Variants in SCFD2 observed in about 807,000 individuals in gnomAD.
SCFD2 encodes sec1 family domain containing 2.
A neutral mutation model predicts 58.9 loss-of-function variants in SCFD2; 54 were observed. That is an observed-to-expected ratio of 0.92 (90% CI 0.74 to 1.15). The LOEUF is 1.15. Ranked by LOEUF, SCFD2 falls within the 50% of genes most tolerant of loss-of-function variation. The probability of loss-of-function intolerance (pLI) is 0.00; values close to 1 mark genes in which losing one functional copy is unlikely to be tolerated. For synonymous variants in SCFD2, 321 were observed against 335.9 expected, an observed-to-expected ratio of 0.96 and a Z score of 0.49; for missense variants, 805 against 836.6, an observed-to-expected ratio of 0.96 and a Z score of 0.47.
Position 53,018,146 on chromosome 4 carries a change from T to G in SCFD2, c.1562-97276A>C, listed in dbSNP as rs373133773. 2.2e-4 allele frequency among the ~76,000 whole-genome samples: 33 copies of G among 152,296 alleles called. No individual in the cohort carries two copies. In the South Asian group the frequency reaches 6.6e-3, roughly 31 times the overall value. ...GAGCTTTGTTGGTTTTATTTACTGT[T>G]TCAACCCCAGGGCTCATGATAGGGC... is the stretch of plus-strand genomic sequence containing the variant. On this transcript the variant is annotated intron_variant, in intron 5 of 8. Coordinates refer to ENST00000401642, the MANE Select transcript of SCFD2 (RefSeq NM_152540.4).
At chr4:53,093,490 T>C (rs1334637439) in intron 5 of SCFD2, among the ~76,000 whole-genome samples, 1 of 152,166 alleles carries the variant, frequency 6.6e-6, no homozygotes, top group Non-Finnish European at 1.5e-5. Flanking sequence ...TCTAGGAATA[T>C]ATCCTACAGA....
chr4:53,051,043 T>C (rs928480248), intron 5 of SCFD2, among the ~76,000 whole-genome samples: 3 of 152,216 alleles, frequency 2.0e-5, no homozygotes, highest in African/African-American at 7.2e-5. Context: ...ACTGTGTGAT[T>C]GTTTTATTTC....
intron 2 of SCFD2, among the ~76,000 whole-genome samples, chr4:53,350,265 C>A (rs1201987894): frequency 1.3e-5 from 2 of 152,168 alleles, no homozygotes; most frequent in Non-Finnish European, 2.9e-5. Context: ...CAGCTCCCAA[C>A]CCACACTGGG....
At chr4:53,152,295 C>T (rs1259257986) in intron 4 of SCFD2, among the ~76,000 whole-genome samples, 5 of 151,650 alleles carry the variant, frequency 3.3e-5, no homozygotes, top group Admixed American at 1.3e-4. Context: ...CATCATTAAT[C>T]AACAGGAAAA....
intron 3 of SCFD2, among the ~76,000 whole-genome samples, chr4:53,284,497 T>G (rs1381282617): frequency 6.6e-6 from 1 of 152,198 alleles, no homozygotes; most frequent in Non-Finnish European, 1.5e-5. Context: ...TAGTATAACT[T>G]TTGAAATATT....
At chr4:53,297,238 T>G (rs28832663) in intron 3 of SCFD2, among the ~76,000 whole-genome samples, 2 of 151,862 alleles carry the variant, frequency 1.3e-5, no homozygotes, top group African/African-American at 4.8e-5. Flanking sequence ...GAAAGCAGCA[T>G]GTTAAAGTCT....
intron 4 of SCFD2, among the ~76,000 whole-genome samples, chr4:53,169,591 A>G (rs760039348): frequency 2.0e-5 from 3 of 152,080 alleles, no homozygotes; most frequent in Non-Finnish European, 2.9e-5. Context: ...ATAATATGGT[A>G]ATTCAAAATA....
chr4:53,337,014 A>G (rs1733705534), intron 2 of SCFD2, among the ~76,000 whole-genome samples: 1 of 137,092 alleles, frequency 7.3e-6, no homozygotes, highest in South Asian at 2.4e-4. Flanking sequence ...CACTCAAAAG[A>G]AGGACTAAAA....
intron 5 of SCFD2, among the ~76,000 whole-genome samples, chr4:53,133,271 T>G (rs1461388039): frequency 3.6e-5 from 5 of 138,330 alleles, no homozygotes; most frequent in South Asian, 2.2e-4. Flanking sequence ...GAGCTTGCAG[T>G]GAGCCCAGAT....
At chr4:53,162,844 TATAATA>T (rs956119302) in intron 4 of SCFD2, among the ~76,000 whole-genome samples, 1 of 150,840 alleles carries the variant, frequency 6.6e-6, no homozygotes, top group African/African-American at 2.4e-5. Context: ...AAACTTAAAG[TATAATA>T]ATAATAAAAT....
chr4:53,256,952 C>T (rs1207031749), intron 4 of SCFD2, among the ~76,000 whole-genome samples: 2 of 149,544 alleles, frequency 1.3e-5, no homozygotes, highest in African/African-American at 2.5e-5. Context: ...GAGAGCTAAA[C>T]CTTTTTTCTT....
At chr4:53,329,022 T>G (rs1426767916) in intron 2 of SCFD2, among the ~76,000 whole-genome samples, 2 of 152,184 alleles carry the variant, frequency 1.3e-5, no homozygotes, top group Admixed American at 6.5e-5. Flanking sequence ...CACCCGAATA[T>G]TGTGCTTTTC....
rs181333659 is a variant in SCFD2, at chr4:53,337,634, T to C, written c.1007+14964A>G. Among the ~76,000 whole-genome samples the C allele has an allele frequency of 4.6e-5, 7 of 152,272 alleles. No homozygotes were observed. In the East Asian group the frequency reaches 1.3e-3, roughly 29 times the overall value. On this transcript the variant is annotated intron_variant, in intron 2 of 8. Coordinates refer to ENST00000401642, the MANE Select transcript of SCFD2 (RefSeq NM_152540.4). The stretch of plus-strand genomic sequence containing the variant: ...CACCCCCAAAACACTTGTTTAAGAA[T>C]GTTCATACCAGTAAAAAACTGGACA...
chr4:53,340,382 T>C (rs1319607342), intron 2 of SCFD2, among the ~76,000 whole-genome samples: 1 of 152,040 alleles, frequency 6.6e-6, no homozygotes, highest in East Asian at 1.9e-4. Context: ...CAGTCTGAGA[T>C]CAAACTACAA....
intron 4 of SCFD2, among the ~76,000 whole-genome samples, chr4:53,188,999 T>A (rs1727816816): frequency 6.6e-6 from 1 of 152,200 alleles, no homozygotes; most frequent in Non-Finnish European, 1.5e-5. Flanking sequence ...AACTCAGGAA[T>A]GCTCATGCAA....
At chr4:53,115,603 T>C (rs768391326) in intron 5 of SCFD2, among the ~76,000 whole-genome samples, 1 of 152,176 alleles carries the variant, frequency 6.6e-6, no homozygotes, top group Non-Finnish European at 1.5e-5. Flanking sequence ...ATTTGGGTGA[T>C]ACTGTGGAAG....
At chr4:53,012,865 A>G (rs1236798573) in intron 5 of SCFD2, among the ~76,000 whole-genome samples, 3 of 150,686 alleles carry the variant, frequency 2.0e-5, no homozygotes, top group African/African-American at 7.3e-5. Context: ...AAAGCTAATG[A>G]AAACCATGTT....
At chr4:53,202,209 G>A (rs1728265559) in intron 4 of SCFD2, among the ~76,000 whole-genome samples, 2 of 152,104 alleles carry the variant, frequency 1.3e-5, no homozygotes, top group Admixed American at 6.5e-5. Flanking sequence ...TGTATAAGGT[G>A]TAAGGAAGGG....
At position 53,145,583 on chromosome 4, in the gene SCFD2, C is replaced by T. The variant is rs779686868; in HGVS notation, c.1312-1G>A. ...CGGACATTGCTGACTCCCCAATGCT[C>T]TAAAATAAAAAATGATATGAAAATA... On this transcript the variant is annotated splice_acceptor_variant, in intron 4 of 8. Transcript: ENST00000401642. LOFTEE classifies it high-confidence loss of function. 2.5e-6 allele frequency: 4 copies of T among 1,604,616 alleles called. No homozygotes were observed. Among genetic ancestry groups the T allele is most frequent in the Middle Eastern group, 3.3e-4 (2 of 6,010 alleles).
Sources: gnomAD v4.1 joint callset for allele counts (sites outside exome capture counted in the v4.1 genomes callset) on GRCh38, gnomAD v4.1.1 for gene constraint, MANE v1.5 for transcripts, NCBI Gene and HGNC (gene_info 2026-07-23, HGNC 2026-07-21) for gene names.